THSD7B: variants seen among roughly 807,000 people sequenced by gnomAD.
THSD7B encodes the protein thrombospondin type-1 domain-containing protein 7B.
A neutral mutation model predicts 213.6 loss-of-function variants in THSD7B; 138 were observed. That is an observed-to-expected ratio of 0.65 (90% confidence interval 0.56 to 0.74). The LOEUF is 0.74. Ranked by LOEUF, THSD7B falls within the 30% of genes least tolerant of loss-of-function variation. The pLI is 0.00. For synonymous variants in THSD7B, 742 were observed against 687.0 expected (o/e 1.08, Z -1.25); for missense variants, 1,931 against 1,991.5 (o/e 0.97, Z 0.58).
In THSD7B at chr2:137,588,133, C is replaced by A. The variant is rs372381083; in HGVS notation, c.3423+15577C>A. On this transcript the variant is annotated intron_variant, in intron 17 of 27. Coordinates refer to ENST00000409968, the MANE Select transcript of THSD7B (RefSeq NM_001316349.2). ...TCCAAGGGCGTGGGACCCTCCGAGC[C>A]AGGCACGGGATATAATCTCCTGGTC... 3.5e-4 allele frequency among the ~76,000 whole-genome samples: 54 copies of A among 152,330 alleles called. 1 individual carries two copies. The South Asian group carries it at 8.5e-3, about 24-fold the overall frequency.
At chr2:136,996,202 CA>C (rs1267616590) in intron 2 of THSD7B, among the ~76,000 whole-genome samples, 1 of 152,204 alleles carries the variant, frequency 6.6e-6, no homozygotes, top group Admixed American at 6.5e-5. Context: ...ACTAAGCTAG[CA>C]GACTGGATGA....
At chr2:137,426,678 A>G (rs1687061808) in intron 14 of THSD7B, among the ~76,000 whole-genome samples, 1 of 152,202 alleles carries the variant, frequency 6.6e-6, no homozygotes, top group East Asian at 1.9e-4. Flanking sequence ...ATTTGAATGT[A>G]AGACTTGAAG....
chr2:137,272,805 A>G, intron 11 of THSD7B, 143 bp downstream of exon 11: 2 of 947,634 alleles, frequency 2.1e-6, no homozygotes, highest in Non-Finnish European at 3.1e-6. Context: ...TAATATTCTT[A>G]CCCTCTTATC....
At chr2:136,967,509 A>G (rs1685340424) in intron 2 of THSD7B, among the ~76,000 whole-genome samples, 1 of 152,164 alleles carries the variant, frequency 6.6e-6, no homozygotes, top group Non-Finnish European at 1.5e-5. Flanking sequence ...GAGTTGTTGC[A>G]ATGGCTTTTC....
chr2:136,986,678 A>C (rs777402623), intron 2 of THSD7B, among the ~76,000 whole-genome samples: 2 of 152,164 alleles, frequency 1.3e-5, no homozygotes, highest in Non-Finnish European at 2.9e-5. Context: ...GGAAATGTCA[A>C]ACAGCGCTAG....
chr2:137,432,940 A>G (rs1191039443), intron 14 of THSD7B, among the ~76,000 whole-genome samples: 2 of 152,188 alleles, frequency 1.3e-5, no homozygotes, highest in East Asian at 3.8e-4. Context: ...CTCCCTTTCT[A>G]GATTGTTAGC....
At chr2:137,568,535 GAA>G (rs1307706715) in intron 16 of THSD7B, among the ~76,000 whole-genome samples, 1 of 152,144 alleles carries the variant, frequency 6.6e-6, no homozygotes, top group African/African-American at 2.4e-5. Flanking sequence ...ATTTATAAAA[GAA>G]AGAGATTTAG....
Position 137,642,470 on chromosome 2 carries a change from C to A in THSD7B, c.3800-18C>A. On this transcript the variant is annotated intron_variant, in intron 20 of 27. Coordinates refer to ENST00000409968, the MANE Select transcript of THSD7B (RefSeq NM_001316349.2). ...AGCCAAACTAACTGAAAAGCTGACACCTCCCTTATCATTTTAGGTCGAATG... is the reference window on the plus strand; with the variant it reads ...AGCCAAACTAACTGAAAAGCTGACAACTCCCTTATCATTTTAGGTCGAATG... 1.2e-6 allele frequency: 2 copies of A among 1,612,698 alleles called. No individual in the cohort carries two copies. The highest frequency in any genetic ancestry group is 1.7e-6 in the Non-Finnish European group (2 of 1,179,424).
chr2:137,105,090 G>A (rs2104928897), intron 4 of THSD7B, among the ~76,000 whole-genome samples: 1 of 152,250 alleles, frequency 6.6e-6, no homozygotes, highest in East Asian at 1.9e-4. Flanking sequence ...CAAAAACCTG[G>A]CAGAGACACA....
intron 15 of THSD7B, among the ~76,000 whole-genome samples, chr2:137,546,932 C>T (rs965412648): frequency 6.6e-6 from 1 of 151,940 alleles, no homozygotes; most frequent in African/African-American, 2.4e-5. Context: ...CTTAAATGAA[C>T]ACTTTTCTTC....
At chr2:137,276,202 T>G (rs1682866684) in intron 12 of THSD7B, among the ~76,000 whole-genome samples, 176 bp downstream of exon 12, 1 of 152,128 alleles carries the variant, frequency 6.6e-6, no homozygotes, top group South Asian at 2.1e-4. Context: ...TTATATTAGA[T>G]TATCTTTAAC....
intron 2 of THSD7B, among the ~76,000 whole-genome samples, chr2:136,952,110 G>C (rs1685047582): frequency 6.6e-6 from 1 of 152,002 alleles, no homozygotes; most frequent in African/African-American, 2.4e-5. Context: ...CTCATGATCT[G>C]TCCACCTCAG....
At chr2:137,501,431 GAA>G (rs35738690) in intron 15 of THSD7B, among the ~76,000 whole-genome samples, 14 of 150,840 alleles carry the variant, frequency 9.3e-5, no homozygotes, top group East Asian at 1.9e-4. Context: ...TCCACTTTTT[GAA>G]AAAAAAAATT....
intron 2 of THSD7B, among the ~76,000 whole-genome samples, chr2:137,026,318 C>G (rs1686554937): frequency 6.6e-6 from 1 of 152,118 alleles, no homozygotes; most frequent in South Asian, 2.1e-4. Context: ...ACATCGTTCC[C>G]TATAGTTCCT....
At chr2:137,307,199 C>G (rs74725298) in intron 12 of THSD7B, among the ~76,000 whole-genome samples, 8,449 of 152,122 alleles carry the variant, frequency 0.056, 326 homozygotes, top group East Asian at 0.1. Flanking sequence ...TACACAGACC[C>G]TATTAGGTCT....
intron 3 of THSD7B, among the ~76,000 whole-genome samples, chr2:137,070,711 C>T (rs1053220596): frequency 6.6e-6 from 1 of 152,054 alleles, no homozygotes; most frequent in Non-Finnish European, 1.5e-5. Context: ...ATCCCTCCCC[C>T]TGTCCCCCAC....
intron 12 of THSD7B, among the ~76,000 whole-genome samples, chr2:137,277,242 G>C (rs1012369938): frequency 2.0e-5 from 3 of 151,970 alleles, no homozygotes; most frequent in Admixed American, 6.6e-5. Flanking sequence ...GTATGTAAAT[G>C]ATGTAAAATT....
chr2:137,256,394 G>A (rs57449278), intron 10 of THSD7B, among the ~76,000 whole-genome samples: 1 of 152,280 alleles, frequency 6.6e-6, no homozygotes, highest in African/African-American at 2.4e-5. Flanking sequence ...CTGTGATTGG[G>A]GAGGTGAGAC....
intron 1 of THSD7B, among the ~76,000 whole-genome samples, chr2:136,855,949 T>C (rs1181053679): frequency 1.3e-5 from 2 of 151,120 alleles, no homozygotes; most frequent in Admixed American, 1.3e-4. Flanking sequence ...GGCTCCTTCT[T>C]ACCATTTAAG....
Sources: allele counts gnomAD v4.1 joint callset (sites outside exome capture counted in the v4.1 genomes callset), GRCh38; gene constraint gnomAD v4.1.1; transcripts MANE v1.5; gene names NCBI Gene and HGNC (gene_info 2026-07-23, HGNC 2026-07-21).